Variants in LANCL1 observed in about 807,000 individuals in gnomAD.
LANCL1 encodes LanC like glutathione S-transferase 1.
A neutral mutation model predicts 50.6 loss-of-function variants in LANCL1; 50 were observed. The ratio of observed to expected loss-of-function variants is 0.99; its 90% confidence interval spans 0.79 to 1.25. LANCL1 has a LOEUF of 1.25. Among genes scored for constraint, LANCL1 ranks in the 50% most tolerant of loss-of-function variants. LANCL1 has a pLI of 0.00. For missense variants in LANCL1, 532 were observed against 480.7 expected, an observed-to-expected ratio of 1.11 and a Z score of -1.00; for synonymous variants, 188 against 178.6, an observed-to-expected ratio of 1.05 and a Z score of -0.42.
At position 210,455,133 on chromosome 2, in the gene LANCL1, C is replaced by A. The variant is rs761336640; in HGVS notation, c.381G>T (p.Glu127Asp). ...AAVLYHKMNN[E>D]KQAEDCITRL... is the part of the protein sequence containing the mutation. ...GTGTGATGCAATCTTCTGCCTGCTTCTCATTGTTCATCTTGTGATATAGCA... is the reference window on the plus strand; with the variant it reads ...GTGTGATGCAATCTTCTGCCTGCTTATCATTGTTCATCTTGTGATATAGCA... Residue 127 changes from glutamate (E) to aspartate (D), a missense_variant, in exon 4 of 10, where the codon GAG becomes GAT. Glu to Asp is a conservative substitution (Grantham distance 45). Coordinates refer to ENST00000450366, the MANE Select transcript of LANCL1 (RefSeq NM_006055.3). 6.2e-7 allele frequency: 1 copy of A among 1,613,600 alleles called. No individual in the cohort carries two copies. The highest frequency in any genetic ancestry group is 8.5e-7 in the Non-Finnish European group (1 of 1,179,688).
chr2:210,454,613 A>G (rs1419843968), intron 4 of LANCL1, among the ~76,000 whole-genome samples: 5 of 147,256 alleles, frequency 3.4e-5, no homozygotes, highest in African/African-American at 5.4e-5. Context: ...GGCAACAATT[A>G]AAGTCTATTA....
intron 3 of LANCL1, among the ~76,000 whole-genome samples, chr2:210,458,860 A>G (rs1050634037): frequency 1.3e-5 from 2 of 152,182 alleles, no homozygotes; most frequent in African/African-American, 4.8e-5. Context: ...AACAGCCAAA[A>G]TTGTTCGAGT....
At chr2:210,443,658 A>G (rs964312063) in intron 4 of LANCL1, among the ~76,000 whole-genome samples, 1 of 152,216 alleles carries the variant, frequency 6.6e-6, no homozygotes, top group African/African-American at 2.4e-5. Context: ...CATGTCTGTC[A>G]TCTAACTTCA....
chr2:210,434,992 A>G (rs1283699646), intron 9 of LANCL1, among the ~76,000 whole-genome samples: 1 of 152,216 alleles, frequency 6.6e-6, no homozygotes, highest in Non-Finnish European at 1.5e-5. Flanking sequence ...TCAGCCTTAT[A>G]TCCCGGTGGA....
rs536383956 is a variant in LANCL1 at position 210,442,092 on chromosome 2, C to T, written c.408-649G>A. Among the ~76,000 whole-genome samples the T allele has an allele frequency of 1.5e-3, 232 of 151,998 alleles. 2 individuals are homozygous for T. Among genetic ancestry groups the T allele is most frequent in the African/African-American group, 5.1e-3 (211 of 41,476 alleles). On this transcript the variant is annotated intron_variant, in intron 4 of 9. Transcript: ENST00000450366. ...GCTAATTTTGTATTTTTAGTAGAGA[C>T]GGGGTTTCTCCATGTTGGTCACGCT...
chr2:210,435,329 CCAAG>C (rs1692889646), intron 9 of LANCL1, 54 bp downstream of exon 9: 2 of 1,344,682 alleles, frequency 1.5e-6, no homozygotes, highest in South Asian at 2.4e-5. Context: ...ACATTAATTA[CCAAG>C]CAGAGAAGTA....
intron 4 of LANCL1, among the ~76,000 whole-genome samples, chr2:210,451,483 A>C (rs188245601): frequency 6.6e-6 from 1 of 152,210 alleles, no homozygotes; most frequent in African/African-American, 2.4e-5. Flanking sequence ...AACAACAAAA[A>C]AGTAGAAGCA....
chr2:210,467,435 T>C (rs1451646045), intron 3 of LANCL1, among the ~76,000 whole-genome samples: 2 of 152,190 alleles, frequency 1.3e-5, no homozygotes, highest in African/African-American at 4.8e-5. Flanking sequence ...GCCTACTTAA[T>C]GTGAAAACGA....
At chr2:210,463,513 A>T (rs905622569) in intron 3 of LANCL1, among the ~76,000 whole-genome samples, 1 of 152,248 alleles carries the variant, frequency 6.6e-6, no homozygotes, top group African/African-American at 2.4e-5. Flanking sequence ...GTAACATTTT[A>T]TCACCACGAA....
intron 4 of LANCL1, among the ~76,000 whole-genome samples, chr2:210,453,710 C>G (rs1693577330): frequency 6.6e-6 from 1 of 152,082 alleles, no homozygotes; most frequent in South Asian, 2.1e-4. Flanking sequence ...TGGCTGATGG[C>G]TTTAAACATC....
chr2:210,435,512 C>T, intron 8 of LANCL1, 53 bp from the exon 9 acceptor site: 2 of 1,396,528 alleles, frequency 1.4e-6, no homozygotes, highest in Non-Finnish European at 2.0e-6. Flanking sequence ...AGAGACAACC[C>T]CAAAAGTTAA....
chr2:210,473,376 A>AAACAAC (rs554528717), intron 2 of LANCL1, among the ~76,000 whole-genome samples: 10 of 152,016 alleles, frequency 6.6e-5, no homozygotes, highest in African/African-American at 2.2e-4. Flanking sequence ...ACTCCATCTC[A>AAACAAC]AACAACAACA....
At chr2:210,463,822 T>C (rs1693954294) in intron 3 of LANCL1, among the ~76,000 whole-genome samples, 1 of 152,114 alleles carries the variant, frequency 6.6e-6, no homozygotes, top group Admixed American at 6.5e-5. Context: ...TTTCCCACGG[T>C]CAGGGCATTT....
Position 210,433,986 on chromosome 2 carries a change from T to C in LANCL1, c.*501A>G, listed in dbSNP as rs369127114. The C allele has an allele frequency of 5.3e-5, 8 of 152,270 alleles. No individual in the cohort carries two copies. Among genetic ancestry groups the C allele is most frequent in the South Asian group, 2.1e-4 (1 of 4,816 alleles). 9.4% of individuals were successfully genotyped at this position (152,270 alleles called of 1,614,324 possible). On this transcript the variant is annotated 3_prime_UTR_variant, in exon 10 of 10. Transcript: ENST00000450366. The stretch of plus-strand genomic sequence containing the variant: ...CTTGGAATTTTTCTCCTGGAAGCAT[T>C]TAGTTATATTTCTGTCCCCTTTCAA...
At chr2:210,448,070 T>C (rs191394782) in intron 4 of LANCL1, among the ~76,000 whole-genome samples, 100 of 152,234 alleles carry the variant, frequency 6.6e-4, no homozygotes, top group African/African-American at 2.3e-3. Flanking sequence ...CAGCACCACA[T>C]CACACTTATT....
chr2:210,432,102 T>A lies in LANCL1; in HGVS notation c.*2385A>T, dbSNP rs1042686002. 1.3e-5 allele frequency: 2 copies of A among 152,330 alleles called. No homozygotes were observed. Among genetic ancestry groups the A allele is most frequent in the South Asian group, 4.1e-4 (2 of 4,824 alleles). The allele number at this position is 152,330 out of a possible 1,614,324, so 9.4% of individuals were successfully genotyped here. On this transcript the variant is annotated 3_prime_UTR_variant, in exon 10 of 10. Coordinates refer to ENST00000450366, the MANE Select transcript of LANCL1 (RefSeq NM_006055.3). ...ATACAAACTAGAACTGAAACAATGATGCCACTTCCTTTTAAAACTAAGAAG... is the reference window on the plus strand; with the variant it reads ...ATACAAACTAGAACTGAAACAATGAAGCCACTTCCTTTTAAAACTAAGAAG...
At chr2:210,471,443 A>C (rs1324616612) in intron 3 of LANCL1, 1 of 370,864 alleles carries the variant, frequency 2.7e-6, no homozygotes, top group Non-Finnish European at 5.3e-6. Flanking sequence ...TTGGCAATGC[A>C]GCAATTGCAA....
intron 2 of LANCL1, among the ~76,000 whole-genome samples, chr2:210,473,247 C>T (rs1694271844): frequency 6.6e-6 from 1 of 152,144 alleles, no homozygotes; most frequent in Admixed American, 6.5e-5. Context: ...TGGTGGTGAA[C>T]GCCTGTAATC....
chr2:210,469,856 C>T (rs918908526), intron 3 of LANCL1, among the ~76,000 whole-genome samples: 4 of 151,864 alleles, frequency 2.6e-5, no homozygotes, highest in Admixed American at 1.3e-4. Flanking sequence ...AATCAATCCC[C>T]TTTTTTTTCC....
Sources: gnomAD v4.1 joint callset for allele counts (sites outside exome capture counted in the v4.1 genomes callset) on GRCh38, gnomAD v4.1.1 for gene constraint, MANE v1.5 for transcripts, NCBI Gene and HGNC (gene_info 2026-07-23, HGNC 2026-07-21) for gene names.